The following NEIL3 variants were observed in gnomAD, a reference collection of about 807,000 sequenced individuals.
The protein encoded by NEIL3 is nei like DNA glycosylase 3.
In NEIL3, 48 loss-of-function variants were observed where a neutral mutation model predicts 57.5. The observed-to-expected ratio is 0.83, with a 90% CI of 0.66 to 1.06. The LOEUF (loss-of-function observed/expected upper bound fraction) is 1.06. Among genes scored for constraint, NEIL3 ranks in the 50% least tolerant of loss-of-function variants. NEIL3 has a pLI of 0.00. For synonymous variants in NEIL3, 261 were observed against 253.2 expected (o/e 1.03, Z -0.29); for missense variants, 717 against 739.1 (o/e 0.97, Z 0.35).
At chr4:177,325,828 A>C (rs111474732) in intron 2 of NEIL3, among the ~76,000 whole-genome samples, 1 of 152,060 alleles carries the variant, frequency 6.6e-6, no homozygotes, top group Non-Finnish European at 1.5e-5. Context: ...TGCAATATGC[A>C]TATTTCCTGT....
At chr4:177,335,848 T>TA (rs780672168) in intron 3 of NEIL3, 26 bp downstream of exon 3, 13 of 1,509,498 alleles carry the variant, frequency 8.6e-6, no homozygotes, top group East Asian at 4.6e-5. Flanking sequence ...TAAAAGTACT[T>TA]ACGCTGCAAT....
At chr4:177,326,246 G>A (rs12642885) in intron 2 of NEIL3, among the ~76,000 whole-genome samples, 30,705 of 151,928 alleles carry the variant, frequency 0.2, 3,460 homozygotes, top group East Asian at 0.31. Flanking sequence ...GCAGGAGCTG[G>A]ACTTTGTCTT....
At chr4:177,353,956 G>T in intron 8 of NEIL3, 1 of 447,190 alleles carries the variant, frequency 2.2e-6, no homozygotes, top group Non-Finnish European at 4.0e-6. Flanking sequence ...AGTAGAGACG[G>T]GGTTTCACCA....
intron 2 of NEIL3, among the ~76,000 whole-genome samples, chr4:177,330,204 G>A (rs931202947): frequency 1.4e-4 from 22 of 152,124 alleles, no homozygotes; most frequent in Non-Finnish European, 2.1e-4. Flanking sequence ...GAGCCACTGC[G>A]CCCAGCTGAA....
At chr4:177,340,382 G>GTGGA (rs1735068765) in intron 5 of NEIL3, among the ~76,000 whole-genome samples, 1 of 152,222 alleles carries the variant, frequency 6.6e-6, no homozygotes, top group Non-Finnish European at 1.5e-5. Context: ...ACTTGTAAAT[G>GTGGA]TGGAAAGTTA....
Position 177,335,969 on chromosome 4 carries a change from G to T in NEIL3, c.414-139G>T, listed in dbSNP as rs1337775351. ...AAGAAGCCTTCAGATAATATAATTTGTAAGGTCTTTGTTGTTTGCATATGT... is the reference window on the plus strand; with the variant it reads ...AAGAAGCCTTCAGATAATATAATTTTTAAGGTCTTTGTTGTTTGCATATGT... On this transcript the variant is annotated intron_variant, in intron 3 of 9. Transcript: ENST00000264596. The T allele has an allele frequency of 4.9e-6, 5 of 1,030,526 alleles. No individual in the cohort carries two copies. In the East Asian group the frequency reaches 7.7e-5, roughly 16 times the overall value. The allele number at this position is 1,030,526 out of a possible 1,614,324, so 63.8% of individuals were successfully genotyped here.
intron 1 of NEIL3, among the ~76,000 whole-genome samples, chr4:177,321,730 A>G (rs1734689783): frequency 6.6e-6 from 1 of 152,176 alleles, no homozygotes; most frequent in Admixed American, 6.5e-5. Context: ...TTTATTCTTA[A>G]CATTGTGCTT....
chr4:177,320,518 C>T (rs1734661247), intron 1 of NEIL3, among the ~76,000 whole-genome samples: 1 of 141,846 alleles, frequency 7.0e-6, no homozygotes, highest in African/African-American at 2.6e-5. Context: ...CGCTGTGTCT[C>T]CCAGGCTGGT....
At position 177,341,525 on chromosome 4, in the gene NEIL3, G is replaced by A. The variant is rs114671957; in HGVS notation, c.752G>A (p.Arg251His). ...TCTAAACACTATAAGGTTTACAAGC[G>A]TCCTAATTGTGGTCAGTGCCACTGC... The part of the protein sequence containing the change: ...ALSKHYKVYK[R>H]PNCGQCHCRI... Residue 251 changes from arginine (R) to histidine (H), a missense_variant, in exon 6 of 10, where the codon CGT becomes CAT. Arg to His is a conservative substitution (Grantham distance 29, BLOSUM62 0). Transcript: ENST00000264596. The A allele has an allele frequency of 3.1e-5, 50 of 1,613,010 alleles. No homozygotes were observed. The African/African-American group carries it at 3.2e-4, about 10-fold the overall frequency.
rs1333362486 is a variant in NEIL3, at chr4:177,339,788, T to C, written c.633T>C (p.Cys211=). ...GCTGTTTTTTCCACTTCAAGGTTTG[T>C]CAATTAACAGATGAACAGATCCATC... The part of the protein sequence containing the change: ...DSGLHPAVKV[C]QLTDEQIHHL... The change falls in exon 5 of 10, where the codon TGT becomes TGC. Residue 211 remains cysteine (C), a synonymous_variant. Transcript: ENST00000264596. The C allele has an allele frequency of 3.1e-6, 5 of 1,611,552 alleles. No individual in the cohort carries two copies. In the African/African-American group the frequency reaches 5.3e-5, roughly 17 times the overall value.
chr4:177,369,960 A>G, the NEIL3 span, among the ~76,000 whole-genome samples: 1 of 152,226 alleles, frequency 6.6e-6, no homozygotes. Context: ...TTCTCCTGGA[A>G]TGTTTCAGAG....
Position 177,353,294 on chromosome 4 carries a change from C to A in NEIL3, c.1040-14C>A. The A allele has an allele frequency of 1.9e-6, 3 of 1,594,838 alleles. No homozygotes were observed. Among genetic ancestry groups the A allele is most frequent in the Non-Finnish European group, 2.6e-6 (3 of 1,172,504 alleles). The stretch of plus-strand genomic sequence containing the variant: ...TTATGGGACTATTGCAGAATTACTT[C>A]TCTCTCCTTCCAGATTCAGTGCTCA... On this transcript the variant is annotated splice_polypyrimidine_tract_variant and intron_variant, in intron 7 of 9. Coordinates refer to ENST00000264596, the MANE Select transcript of NEIL3 (RefSeq NM_018248.3).
chr4:177,354,922 C>T (rs962406449), intron 8 of NEIL3, among the ~76,000 whole-genome samples: 1 of 151,884 alleles, frequency 6.6e-6, no homozygotes, highest in Non-Finnish European at 1.5e-5. Flanking sequence ...AGAACACCCT[C>T]ATTTTTGTCA....
intron 2 of NEIL3, among the ~76,000 whole-genome samples, chr4:177,333,578 AAAGCAAGC>A (rs1325123616): frequency 6.6e-6 from 1 of 152,188 alleles, no homozygotes; most frequent in Non-Finnish European, 1.5e-5. Flanking sequence ...AAGGAGAACT[AAAGCAAGC>A]AAAGACTAAA....
At chr4:177,349,565 C>T (rs571186773) in intron 6 of NEIL3, among the ~76,000 whole-genome samples, 11 of 152,244 alleles carry the variant, frequency 7.2e-5, no homozygotes, top group Admixed American at 2.0e-4. Flanking sequence ...AATCTCTCTA[C>T]GCCAAGATCC....
intron 2 of NEIL3, among the ~76,000 whole-genome samples, chr4:177,327,432 T>A (rs1017014175): frequency 6.6e-5 from 10 of 152,140 alleles, no homozygotes; most frequent in Non-Finnish European, 1.0e-4. Flanking sequence ...TTAAAAAAAA[T>A]TTACTTCAAG....
intron 1 of NEIL3, among the ~76,000 whole-genome samples, chr4:177,311,674 CAAAAAA>C (rs763838033): frequency 1.7e-5 from 1 of 58,610 alleles, no homozygotes; most frequent in Non-Finnish European, 3.9e-5. Flanking sequence ...AACTCTGTCT[CAAAAAA>C]AAAAAAAAAA....
intron 6 of NEIL3, 102 bp from the exon 7 acceptor site, chr4:177,351,278 G>T: frequency 1.1e-5 from 4 of 355,992 alleles, no homozygotes; most frequent in Middle Eastern, 6.9e-4. Flanking sequence ...CAATAATAAA[G>T]AGATAGCATT....
At chr4:177,346,406 C>G (rs957226954) in intron 6 of NEIL3, among the ~76,000 whole-genome samples, 1 of 152,068 alleles carries the variant, frequency 6.6e-6, no homozygotes, top group African/African-American at 2.4e-5. Flanking sequence ...TGGCCTCCAG[C>G]AATCCTCCTG....
Sources: allele counts gnomAD v4.1 joint callset (sites outside exome capture counted in the v4.1 genomes callset), GRCh38; gene constraint gnomAD v4.1.1; transcripts MANE v1.5; gene names NCBI Gene and HGNC (gene_info 2026-07-23, HGNC 2026-07-21).